The following ANKEF1 variants were observed in gnomAD, a reference collection of about 807,000 sequenced individuals.
The protein encoded by ANKEF1 is ankyrin repeat and EF-hand domain containing 1.
Under a neutral mutation model 65.1 loss-of-function variants are expected in ANKEF1, and 43 were observed. The ratio of observed to expected loss-of-function variants is 0.66; its 90% CI spans 0.52 to 0.85. The LOEUF (loss-of-function observed/expected upper bound fraction) is 0.85. ANKEF1 is among the 40% of genes least tolerant of loss of function. ANKEF1 has a pLI of 0.00. For missense variants in ANKEF1, 934 were observed against 952.9 expected, an observed-to-expected ratio of 0.98 and a Z score of 0.26; for synonymous variants, 316 against 341.5, an observed-to-expected ratio of 0.93 and a Z score of 0.82.
In ANKEF1 at chr20:10,038,243, T is replaced by C. The variant is rs1983970358; in HGVS notation, c.-44-15T>C. 6 of 1,172,922 alleles carry C rather than the reference T, an allele frequency of 5.1e-6. No homozygotes were observed. Among genetic ancestry groups the C allele is most frequent in the Non-Finnish European group, 6.9e-6 (6 of 873,418 alleles). The allele number at this position is 1,172,922 out of a possible 1,614,324, so 72.7% of individuals were successfully genotyped here. On this transcript the variant is annotated splice_polypyrimidine_tract_variant and intron_variant, in intron 2 of 10. Transcript: ENST00000378392. The stretch of plus-strand genomic sequence containing the variant: ...AAAATTAACTTTGAGTTATTTTTCT[T>C]TTTTGTTGCTTCAGCTTTAGTTTTG...
At chr20:10,041,334 C>T (rs758323745) in intron 3 of ANKEF1, among the ~76,000 whole-genome samples, 2 of 150,920 alleles carry the variant, frequency 1.3e-5, no homozygotes, top group Non-Finnish European at 3.0e-5. Flanking sequence ...TAACTTGATA[C>T]TTCATATGCC....
intron 5 of ANKEF1, 103 bp downstream of exon 5, chr20:10,044,646 T>C: frequency 2.7e-6 from 3 of 1,103,614 alleles, no homozygotes; most frequent in Non-Finnish European, 3.7e-6. Flanking sequence ...GCAGACATTT[T>C]TCTGAGTTAC....
Position 10,049,668 on chromosome 20 carries a change from C to A in ANKEF1, c.1099C>A (p.Gln367Lys). The change falls in exon 7 of 11, where the codon CAG becomes AAG. Residue 367 changes from glutamine to lysine, a missense_variant. Coordinates refer to ENST00000378392, the MANE Select transcript of ANKEF1 (RefSeq NM_022096.6). ...NDFVMVLEERQDYASSEQLAA... is the reference protein window; with the variant it reads ...NDFVMVLEERKDYASSEQLAA... ...CTTCGTGATGGTGTTGGAGGAAAGG[C>A]AGGATTATGCAAGCTCAGAACAGCT... is the stretch of plus-strand genomic sequence containing the variant. 6.2e-7 allele frequency: 1 copy of A among 1,614,104 alleles called. No individual in the cohort carries two copies. Among genetic ancestry groups the A allele is most frequent in the Non-Finnish European group, 8.5e-7 (1 of 1,180,026 alleles).
At chr20:10,037,527 G>T (rs748731747) in intron 2 of ANKEF1, among the ~76,000 whole-genome samples, 2 of 152,174 alleles carry the variant, frequency 1.3e-5, no homozygotes, top group Admixed American at 6.5e-5. Context: ...TCTGGCAGGG[G>T]ACAGAAGGGA....
At chr20:10,044,628 A>G in intron 5 of ANKEF1, 85 bp downstream of exon 5, 2 of 1,308,346 alleles carry the variant, frequency 1.5e-6, no homozygotes, top group Non-Finnish European at 2.1e-6. Flanking sequence ...CATATAGAGT[A>G]CGCTAAGGCA....
rs778691076 is a variant in ANKEF1, at chr20:10,038,337, G to C, written c.36G>C (p.Gln12His). 1.9e-6 allele frequency: 3 copies of C among 1,590,988 alleles called. No individual in the cohort carries two copies. Residue 12 changes from glutamine (Q) to histidine (H), a missense_variant, in exon 3 of 11, where the codon CAG (glutamine) becomes CAC (histidine). By Grantham distance (24) the Gln-to-His change is conservative. Transcript: ENST00000378392. ...CAGATAAGAGACTTGAGAACTTACA[G>C]ATCTACAAAGTTCTTCAATGTGTGC... ...ALADKRLENL[Q>H]IYKVLQCVRN...
At chr20:10,055,159 C>G (rs1030413639) in intron 10 of ANKEF1, among the ~76,000 whole-genome samples, 5 of 152,118 alleles carry the variant, frequency 3.3e-5, no homozygotes, top group Non-Finnish European at 7.4e-5. Flanking sequence ...GGTAGTAAAC[C>G]TAGATGATCT....
intron 6 of ANKEF1, among the ~76,000 whole-genome samples, chr20:10,047,420 A>C (rs1422791908): frequency 1.3e-5 from 2 of 152,236 alleles, no homozygotes; most frequent in Non-Finnish European, 2.9e-5. Context: ...AGAATCTTAC[A>C]TCTAAGGCAA....
chr20:10,042,350 A>G (rs574561204), intron 3 of ANKEF1, among the ~76,000 whole-genome samples: 5 of 151,654 alleles, frequency 3.3e-5, no homozygotes, highest in African/African-American at 1.2e-4. Flanking sequence ...AATAGGTTGC[A>G]TAGTGGTTTC....
chr20:10,049,582 CT>C lies in ANKEF1; in HGVS notation c.1016del (p.Phe339SerfsTer9). On this transcript the variant is annotated frameshift_variant, in exon 7 of 11. Transcript: ENST00000378392. LOFTEE classifies it high-confidence loss of function. ...CACGATTGGTCCGTAGAACGTGAGG[CT>C]TTCCTCCGGGAAGCCTTTGCGGTTT... ...RLHDWSVERE[A>X]FLREAFAVLD... 1 of 1,614,116 alleles carries C rather than the reference CT, an allele frequency of 6.2e-7. No individual in the cohort carries two copies.
intron 2 of ANKEF1, among the ~76,000 whole-genome samples, chr20:10,037,550 A>G (rs1983932525): frequency 6.6e-6 from 1 of 152,138 alleles, no homozygotes; most frequent in Non-Finnish European, 1.5e-5. Context: ...GCCCCATCCA[A>G]ACGACCCGGA....
At position 10,057,163 on chromosome 20, in the gene ANKEF1, C is replaced by T. The variant is rs1985220329; in HGVS notation, c.*1503C>T. The T allele has an allele frequency of 6.6e-6, 1 of 152,190 alleles. No individual in the cohort carries two copies. The highest frequency in any genetic ancestry group is 2.4e-5 in the African/African-American group (1 of 41,444). The allele number at this position is 152,190 out of a possible 1,614,324, so 9.4% of individuals were successfully genotyped here. A position where few individuals can be genotyped will look rare whatever the true frequency, so the allele number is the denominator to read the frequency against. The stretch of plus-strand genomic sequence containing the variant: ...CTCTGTCAGTCACGTATGGATTAAA[C>T]CCCTTTCCTCTAACCTCCTCCCTCT... On this transcript the variant is annotated 3_prime_UTR_variant, in exon 11 of 11. Coordinates refer to ENST00000378392, the MANE Select transcript of ANKEF1 (RefSeq NM_022096.6).
At chr20:10,047,869 T>C (rs1984609923) in intron 6 of ANKEF1, among the ~76,000 whole-genome samples, 1 of 152,218 alleles carries the variant, frequency 6.6e-6, no homozygotes, top group Admixed American at 6.5e-5. Context: ...GTTGGAGTCT[T>C]TTATACACAT....
Position 10,049,725 on chromosome 20 carries a change from C to T in ANKEF1, c.1156C>T (p.Arg386Trp), listed in dbSNP as rs760152326. Residue 386 changes from arginine (R) to tryptophan (W), a missense_variant, in exon 7 of 11, where the codon CGG becomes TGG. Physicochemically the swap from Arg to Trp is moderately radical, Grantham distance 101. Transcript: ENST00000378392. Reference sequence around the variant, plus strand: ...CATCGCTCACCTTCATGAGAAAACCCGGGGAGGAGGGGTCAATATTAATGA... The same window carrying T: ...CATCGCTCACCTTCATGAGAAAACCTGGGGAGGAGGGGTCAATATTAATGA... ...AAIAHLHEKT[R>W]GGGVNINEFF... The T allele has an allele frequency of 9.3e-6, 15 of 1,613,826 alleles. No homozygotes were observed. The highest frequency in any genetic ancestry group is 1.3e-5 in the Non-Finnish European group (15 of 1,179,988).
chr20:10,054,777 T>G lies in ANKEF1; in HGVS notation c.2172+178T>G, dbSNP rs6057116. On this transcript the variant is annotated intron_variant, in intron 10 of 10. Transcript: ENST00000378392. ...CAACTCAGTATGCCCAAGTGATAGC[T>G]CCCGGCATCTAGTTCTCTTTCTATT... Among the ~76,000 whole-genome samples the G allele has an allele frequency of 5.3e-3, 809 of 152,314 alleles. 8 individuals are homozygous for G. Among genetic ancestry groups the G allele is most frequent in the African/African-American group, 0.018 (764 of 41,576 alleles).
At chr20:10,041,970 A>T (rs1984220174) in intron 3 of ANKEF1, among the ~76,000 whole-genome samples, 1 of 152,144 alleles carries the variant, frequency 6.6e-6, no homozygotes, top group African/African-American at 2.4e-5. Context: ...TATAGTGTAG[A>T]GATCCTTTGA....
At chr20:10,040,093 C>T (rs374701608) in intron 3 of ANKEF1, among the ~76,000 whole-genome samples, 1 of 152,196 alleles carries the variant, frequency 6.6e-6, no homozygotes, top group Non-Finnish European at 1.5e-5. Flanking sequence ...AAACAAATCT[C>T]ATGGGCAGAA....
chr20:10,054,978 A>G (rs1985064685), intron 10 of ANKEF1, among the ~76,000 whole-genome samples: 1 of 152,152 alleles, frequency 6.6e-6, no homozygotes, highest in Admixed American at 6.5e-5. Context: ...GTTTCATATA[A>G]ATCAAGACTG....
chr20:10,049,758 A>G lies in ANKEF1; in HGVS notation c.1189A>G (p.Lys397Glu), dbSNP rs554713825. 29 of 1,614,166 alleles carry G rather than the reference A, an allele frequency of 1.8e-5. No individual in the cohort carries two copies. In the African/African-American group the frequency reaches 2.7e-4, roughly 15 times the overall value. ...AGGGGTCAATATTAATGAATTCTTT[A>G]AAGGAACCAGATATTTAAACAAGTC... is the stretch of plus-strand genomic sequence containing the variant. ...GGGVNINEFF[K>E]GTRYLNKSFV... Residue 397 changes from lysine to glutamate, a missense_variant, in exon 7 of 11, where the codon AAA (lysine) becomes GAA (glutamate). Coordinates refer to ENST00000378392, the MANE Select transcript of ANKEF1 (RefSeq NM_022096.6).
Sources: gnomAD v4.1 joint callset for allele counts (sites outside exome capture counted in the v4.1 genomes callset) on GRCh38, gnomAD v4.1.1 for gene constraint, MANE v1.5 for transcripts, NCBI Gene and HGNC (gene_info 2026-07-23, HGNC 2026-07-21) for gene names.